CHD2: variants seen among roughly 807,000 people sequenced by gnomAD.
The protein encoded by CHD2 is chromodomain helicase DNA binding protein 2.
Under a neutral mutation model 243.9 loss-of-function variants are expected in CHD2, and 28 were observed. The ratio of observed to expected loss-of-function variants is 0.11; its 90% CI spans 0.09 to 0.16. The LOEUF is 0.16. Among genes scored for constraint, CHD2 ranks in the 10% least tolerant of loss-of-function variants. The pLI is 1.00. For missense variants in CHD2, 1,386 were observed against 2,209.8 expected (o/e 0.63, Z 7.47); for synonymous variants, 775 against 779.0 (o/e 0.99, Z 0.09).
intron 16 of CHD2, among the ~76,000 whole-genome samples, chr15:92,965,743 C>A (rs2053753467): frequency 6.6e-6 from 1 of 151,834 alleles, no homozygotes; most frequent in South Asian, 2.1e-4. Flanking sequence ...GTGTGTAGAT[C>A]AAGAACTAGT....
chr15:92,946,817 G>A (rs1207353528), intron 12 of CHD2: 1 of 152,140 alleles, frequency 6.6e-6, no homozygotes, highest in Non-Finnish European at 1.5e-5. Context: ...GAGAAGTGAA[G>A]CCAGTTGCAG....
At chr15:92,946,742 C>G (rs954378069) in intron 12 of CHD2, 2 of 152,400 alleles carry the variant, frequency 1.3e-5, no homozygotes, top group Non-Finnish European at 2.9e-5. Context: ...CCCACCTTGG[C>G]CTCCCAAAGT....
At chr15:92,902,865 C>T (rs1254562386) in intron 2 of CHD2, 6 of 152,208 alleles carry the variant, frequency 3.9e-5, no homozygotes, top group African/African-American at 1.4e-4. Flanking sequence ...TTGTGGTTAA[C>T]ATCATTGATC....
chr15:92,996,648 A>T (rs769567378), intron 28 of CHD2, among the ~76,000 whole-genome samples: 9 of 152,184 alleles, frequency 5.9e-5, no homozygotes, highest in Non-Finnish European at 1.3e-4. Flanking sequence ...CAGCACTAAT[A>T]TTATACCCTC....
chr15:92,935,327 C>T (rs918929328), intron 5 of CHD2, among the ~76,000 whole-genome samples: 2 of 152,196 alleles, frequency 1.3e-5, no homozygotes, highest in African/African-American at 2.4e-5. Context: ...TGAGCCACCG[C>T]GCCCGACCTT....
intron 32 of CHD2, 58 bp downstream of exon 32, chr15:93,000,698 C>T: frequency 6.6e-7 from 1 of 1,515,486 alleles, no homozygotes; most frequent in Non-Finnish European, 8.9e-7. Flanking sequence ...ACTTATCATG[C>T]CAGCTGGAAT....
chr15:92,964,627 G>A (rs924429439), intron 16 of CHD2, among the ~76,000 whole-genome samples: 1 of 152,196 alleles, frequency 6.6e-6, no homozygotes, highest in African/African-American at 2.4e-5. Context: ...TAGAGTCTAA[G>A]TGCCTTTCCT....
Position 93,024,562 on chromosome 15 carries a change from C to A in CHD2, c.5344C>A (p.Pro1782Thr). 1 of 1,614,206 alleles carries A rather than the reference C, an allele frequency of 6.2e-7. No individual in the cohort carries two copies. The stretch of plus-strand genomic sequence containing the variant: ...TAAACAGCCTCTACCCCCATTGCAC[C>A]CTGCAGTCTCAGATCCTCGCTCACC... ...EYKQPLPPLHPAVSDPRSPPS... is the reference protein window; with the variant it reads ...EYKQPLPPLHTAVSDPRSPPS... Residue 1782 changes from proline to threonine, a missense_variant, in exon 39 of 39, where the codon CCT (proline) becomes ACT (threonine). This residue lies in a region of CHD2 where 347 missense variants were observed against 341.6 expected (regional missense o/e 1.02). Coordinates refer to ENST00000394196, the MANE Select transcript of CHD2 (RefSeq NM_001271.4).
chr15:92,979,500 TCTCC>T (rs2053950268), intron 22 of CHD2, among the ~76,000 whole-genome samples: 1 of 152,152 alleles, frequency 6.6e-6, no homozygotes, highest in Non-Finnish European at 1.5e-5. Context: ...TTTCTTGCCC[TCTCC>T]CTTACCTTTG....
chr15:92,941,819 C>T lies in CHD2; in HGVS notation c.693-3C>T. 6.2e-7 allele frequency: 1 copy of T among 1,612,340 alleles called. No individual in the cohort carries two copies. Among genetic ancestry groups the T allele is most frequent in the Non-Finnish European group, 8.5e-7 (1 of 1,179,114 alleles). On this transcript the variant is annotated splice_polypyrimidine_tract_variant and splice_region_variant and intron_variant, in intron 7 of 38. Coordinates refer to ENST00000394196, the MANE Select transcript of CHD2 (RefSeq NM_001271.4). ...CATTTATTCAGCATTATTCCTCTTG[C>T]AGTTACAAAGAAGATGATGACTTTG...
rs78749905 is a variant in CHD2, at chr15:92,994,231, T to A, written c.3595+1233T>A. On this transcript the variant is annotated intron_variant, in intron 28 of 38. Coordinates refer to ENST00000394196, the MANE Select transcript of CHD2 (RefSeq NM_001271.4). ...AGTTATATCCCTTCAACTGTCTCATTTGCAAAATAGAGTAATAGTATCTAC... is the reference window on the plus strand; with the variant it reads ...AGTTATATCCCTTCAACTGTCTCATATGCAAAATAGAGTAATAGTATCTAC... 4.7e-3 allele frequency among the ~76,000 whole-genome samples: 713 copies of A among 152,332 alleles called. 3 individuals carry two copies. Among genetic ancestry groups the A allele is most frequent in the Non-Finnish European group, 6.5e-3 (442 of 68,040 alleles).
chr15:92,953,897 ATAT>A (rs1424172033), intron 14 of CHD2: 3 of 199,386 alleles, frequency 1.5e-5, no homozygotes, highest in East Asian at 2.6e-4. Flanking sequence ...ACTTTGTGTA[ATAT>A]TAATATTATT....
intron 5 of CHD2, 60 bp downstream of exon 5, chr15:92,929,151 A>C: frequency 1.3e-6 from 2 of 1,495,494 alleles, no homozygotes; most frequent in Admixed American, 3.8e-5. Flanking sequence ...CAGCATTTCT[A>C]GGACTGCCTT....
intron 16 of CHD2, among the ~76,000 whole-genome samples, chr15:92,959,086 G>C (rs1486508780): frequency 1.3e-5 from 2 of 152,162 alleles, no homozygotes; most frequent in African/African-American, 2.4e-5. Flanking sequence ...AAAAGTTATT[G>C]ATTTTGATGA....
chr15:92,968,428 T>C (rs1190661492), intron 17 of CHD2, among the ~76,000 whole-genome samples: 2 of 152,210 alleles, frequency 1.3e-5, no homozygotes, highest in Non-Finnish European at 2.9e-5. Flanking sequence ...TAAGTAAGTG[T>C]AAAGGCTTGA....
chr15:92,939,702 G>A lies in CHD2; in HGVS notation c.676G>A (p.Ala226Thr), dbSNP rs1484828920. ...EAPKRQTRRR[A>T]AKNVSYKEDD... ...TCCCAAAAGGCAGACTCGTCGAAGA[G>A]CGGCTAAAAACGTTAGGTAAGTTGT... The change falls in exon 7 of 39, where the codon GCG becomes ACG. Residue 226 changes from alanine to threonine, a missense_variant. Physicochemically the swap from Ala to Thr is moderately conservative, Grantham distance 58. This residue lies in a region of CHD2 where 200 missense variants were observed against 292.5 expected (regional missense o/e 0.68). Coordinates refer to ENST00000394196, the MANE Select transcript of CHD2 (RefSeq NM_001271.4). 1 of 1,613,664 alleles carries A rather than the reference G, an allele frequency of 6.2e-7. No individual in the cohort carries two copies. Among genetic ancestry groups the A allele is most frequent in the Non-Finnish European group, 8.5e-7 (1 of 1,179,964 alleles).
At chr15:92,950,342 T>C (rs2053536665) in intron 13 of CHD2, 1 of 152,212 alleles carries the variant, frequency 6.6e-6, no homozygotes, top group South Asian at 2.1e-4. Flanking sequence ...AGAGGAACTT[T>C]TTACTTTTCA....
At chr15:92,912,219 A>C (rs1567120612) in intron 2 of CHD2, among the ~76,000 whole-genome samples, 1 of 152,172 alleles carries the variant, frequency 6.6e-6, no homozygotes, top group Non-Finnish European at 1.5e-5. Context: ...TTAAAAGCCA[A>C]GCTCCCTGTC....
intron 28 of CHD2, among the ~76,000 whole-genome samples, chr15:92,995,451 T>G (rs900600503): frequency 3.3e-5 from 5 of 151,438 alleles, no homozygotes; most frequent in Non-Finnish European, 7.4e-5. Flanking sequence ...TAGTTGTAAG[T>G]TTATCTTTGA....
Sources: allele counts gnomAD v4.1 joint callset (sites outside exome capture counted in the v4.1 genomes callset), GRCh38; gene constraint gnomAD v4.1.1; regional missense constraint gnomAD v4.1.1; transcripts MANE v1.5; gene names NCBI Gene and HGNC (gene_info 2026-07-23, HGNC 2026-07-21).